The following GABPB1 variants were observed in gnomAD, a reference collection of about 807,000 sequenced individuals.
GABPB1 encodes GA-binding protein subunit beta-1.
In GABPB1, 15 loss-of-function variants were observed where a neutral mutation model predicts 45.9. The observed-to-expected ratio is 0.33, with a 90% confidence interval of 0.22 to 0.50. The LOEUF is 0.50. Among genes scored for constraint, GABPB1 ranks in the 20% least tolerant of loss-of-function variants. GABPB1 has a pLI of 0.98. For synonymous variants in GABPB1, 143 were observed against 154.4 expected (o/e 0.93, Z 0.55); for missense variants, 252 against 457.5 (o/e 0.55, Z 4.10).
chr15:50,335,329 A>G (rs2048082306), intron 1 of GABPB1, among the ~76,000 whole-genome samples: 1 of 152,230 alleles, frequency 6.6e-6, no homozygotes. Flanking sequence ...AGAATATCTC[A>G]TAAGACTTTA....
At position 50,278,693 on chromosome 15, in the gene GABPB1, T is replaced by G; in HGVS notation, c.1091A>C (p.Glu364Ala). 6.2e-7 allele frequency: 1 copy of G among 1,613,866 alleles called. No individual in the cohort carries two copies. The highest frequency in any genetic ancestry group is 8.5e-7 in the Non-Finnish European group (1 of 1,179,858). ...AGCTTCCAACTTCTGTCTGTAGGCC[T>G]CTGCTTCCTGTTCTTTCTTTAGGAG... Reference protein sequence around the residue: ...QQLLKKEQEAEAYRQKLEAMT... With the variant: ...QQLLKKEQEAAAYRQKLEAMT... Residue 364 changes from glutamate (E) to alanine (A), a missense_variant, in exon 9 of 9, where the codon GAG (glutamate) becomes GCG (alanine). Glu to Ala is a moderately radical substitution (Grantham distance 107). Transcript: ENST00000380877.
chr15:50,353,776 G>A (rs1049903118), intron 1 of GABPB1: 3 of 152,342 alleles, frequency 2.0e-5, no homozygotes, highest in Non-Finnish European at 2.9e-5. Flanking sequence ...TAATAAATGA[G>A]AGTGGATCTT....
chr15:50,302,666 AAAAG>A (rs1445906662), intron 4 of GABPB1, among the ~76,000 whole-genome samples: 8 of 145,708 alleles, frequency 5.5e-5, no homozygotes, highest in Non-Finnish European at 1.1e-4. Flanking sequence ...AAAAAAAAAA[AAAAG>A]GTCTAAAGGG....
At chr15:50,313,998 A>G (rs2047221169) in intron 1 of GABPB1, among the ~76,000 whole-genome samples, 1 of 152,188 alleles carries the variant, frequency 6.6e-6, no homozygotes, top group Non-Finnish European at 1.5e-5. Flanking sequence ...TAAAATATCA[A>G]TCATAGATCT....
chr15:50,328,864 G>A (rs139903181), intron 1 of GABPB1, among the ~76,000 whole-genome samples: 20 of 152,098 alleles, frequency 1.3e-4, no homozygotes, highest in African/African-American at 4.8e-4. Flanking sequence ...ATATAAAATG[G>A]TGCCCACTCA....
At chr15:50,324,638 G>A (rs967297028) in intron 1 of GABPB1, among the ~76,000 whole-genome samples, 5 of 142,552 alleles carry the variant, frequency 3.5e-5, no homozygotes, top group African/African-American at 5.2e-5. Flanking sequence ...TCCGCCTCCC[G>A]AGTTCAAGCA....
chr15:50,323,991 CTGGAGTTGG>C (rs1410970078), intron 1 of GABPB1, among the ~76,000 whole-genome samples: 2 of 152,136 alleles, frequency 1.3e-5, no homozygotes, highest in Non-Finnish European at 2.9e-5. Context: ...TGCTCGAACC[CTGGAGTTGG>C]AGACCTGCCT....
chr15:50,336,994 A>G (rs1453662003), intron 1 of GABPB1, among the ~76,000 whole-genome samples: 1 of 149,726 alleles, frequency 6.7e-6, no homozygotes, highest in Non-Finnish European at 1.5e-5. Context: ...GCAGGGGGCC[A>G]TGATCGCACC....
intron 1 of GABPB1, among the ~76,000 whole-genome samples, chr15:50,325,124 G>A (rs1567527791): frequency 6.6e-6 from 1 of 152,134 alleles, no homozygotes. Flanking sequence ...TAAAAAAGGT[G>A]AAGTCAGTAC....
At chr15:50,349,428 C>G (rs1045856690) in intron 1 of GABPB1, 2 of 152,154 alleles carry the variant, frequency 1.3e-5, no homozygotes, top group African/African-American at 4.8e-5. Context: ...TTCCAATCAT[C>G]ATGAGCTAAG....
intron 1 of GABPB1, chr15:50,349,286 T>C (rs941991871): frequency 6.6e-6 from 1 of 152,194 alleles, no homozygotes; most frequent in Non-Finnish European, 1.5e-5. Flanking sequence ...AAATTCCTAA[T>C]TCCATAACCT....
chr15:50,309,599 C>A, intron 2 of GABPB1, 92 bp downstream of exon 2: 2 of 672,086 alleles, frequency 3.0e-6, no homozygotes, highest in Non-Finnish European at 5.2e-6. Flanking sequence ...AACTTTTTAC[C>A]ACTTATAAAC....
At chr15:50,316,117 T>C (rs2047318863) in intron 1 of GABPB1, among the ~76,000 whole-genome samples, 1 of 152,192 alleles carries the variant, frequency 6.6e-6, no homozygotes, top group Non-Finnish European at 1.5e-5. Flanking sequence ...AATCATTTAG[T>C]TTAACAACAA....
intron 1 of GABPB1, among the ~76,000 whole-genome samples, chr15:50,343,775 G>C (rs977883134): frequency 6.6e-6 from 1 of 152,086 alleles, no homozygotes; most frequent in Non-Finnish European, 1.5e-5. Flanking sequence ...CTGACCTCAT[G>C]ATCTGCCCGC....
chr15:50,309,760 C>T lies in GABPB1; in HGVS notation c.39G>A (p.Ala13=), dbSNP rs566098729. 7.2e-5 allele frequency: 116 copies of T among 1,613,486 alleles called. 1 individual carries two copies. The highest frequency in any genetic ancestry group is 3.7e-4 in the South Asian group (34 of 91,050). ...LVDLGKKLLE[A]ARAGQDDEVR... ...CTTCATCATCTTGACCTGCTCGTGC[C>T]GCTTCTAAAAGCTTCTTTCCCAAAT... is the stretch of plus-strand genomic sequence containing the variant. Residue 13 remains alanine (A), a synonymous_variant, in exon 2 of 9, where the codon GCG becomes GCA. Coordinates refer to ENST00000380877, the MANE Select transcript of GABPB1 (RefSeq NM_016654.5).
intron 2 of GABPB1, among the ~76,000 whole-genome samples, chr15:50,305,943 G>C (rs1467102759): frequency 6.6e-6 from 1 of 151,670 alleles, no homozygotes; most frequent in African/African-American, 2.4e-5. Context: ...CACCACACCT[G>C]GCCATGTAGT....
intron 4 of GABPB1, 62 bp from the exon 5 acceptor site, chr15:50,301,430 C>G (rs2046743365): frequency 7.2e-7 from 1 of 1,383,898 alleles, no homozygotes; most frequent in Non-Finnish European, 1.0e-6. Flanking sequence ...CACAAATTCT[C>G]CATATAATAC....
intron 1 of GABPB1, among the ~76,000 whole-genome samples, chr15:50,325,266 T>C (rs2047708979): frequency 7.6e-6 from 1 of 131,978 alleles, no homozygotes; most frequent in African/African-American, 2.9e-5. Context: ...ACTGGACAAA[T>C]AATATTTTGA....
intron 7 of GABPB1, among the ~76,000 whole-genome samples, chr15:50,287,990 C>T (rs2046223742): frequency 6.6e-6 from 1 of 152,282 alleles, no homozygotes; most frequent in African/African-American, 2.4e-5. Flanking sequence ...GAAGTTCTAC[C>T]TCAAGCCCTG....
Sources: allele counts gnomAD v4.1 joint callset (sites outside exome capture counted in the v4.1 genomes callset), GRCh38; gene constraint gnomAD v4.1.1; transcripts MANE v1.5; gene names NCBI Gene and HGNC (gene_info 2026-07-23, HGNC 2026-07-21).